IL1RAPL1: variants seen among roughly 807,000 people sequenced by gnomAD.
The protein encoded by IL1RAPL1 is interleukin-1 receptor accessory protein-like 1.
Under a neutral mutation model 48.4 loss-of-function variants are expected in IL1RAPL1, and 3 were observed. That is an observed-to-expected ratio of 0.06 (90% CI 0.03 to 0.16). The LOEUF (loss-of-function observed/expected upper bound fraction) is 0.16, where lower values mean the gene tolerates loss of function less well. IL1RAPL1 is among the 10% of genes least tolerant of loss of function. IL1RAPL1 has a pLI of 1.00. For synonymous variants in IL1RAPL1, 185 were observed against 187.7 expected (o/e 0.99, Z 0.12); for missense variants, 349 against 530.6 (o/e 0.66, Z 3.36).
chrX:29,308,367 C>A (rs1226051003), intron 3 of IL1RAPL1, among the ~76,000 whole-genome samples: 2 of 111,584 alleles, frequency 1.8e-5, no homozygotes, highest in African/African-American at 6.5e-5. Context: ...TCATTGGCCT[C>A]ATATGTCCAT....
intron 2 of IL1RAPL1, among the ~76,000 whole-genome samples, chrX:29,127,877 T>C (rs1928931374): frequency 9.1e-6 from 1 of 109,546 alleles, no homozygotes; most frequent in Non-Finnish European, 1.9e-5. Context: ...AGGCAGAGAA[T>C]TGCTCGAACC....
intron 2 of IL1RAPL1, among the ~76,000 whole-genome samples, chrX:28,813,957 C>T (rs964476693): frequency 9.1e-6 from 1 of 110,329 alleles, no homozygotes; most frequent in Non-Finnish European, 1.9e-5. Flanking sequence ...GAGCTGAGTC[C>T]CGAGTGAATC....
At chrX:29,215,392 G>A (rs778839871) in intron 2 of IL1RAPL1, among the ~76,000 whole-genome samples, 4 of 110,705 alleles carry the variant, frequency 3.6e-5, no homozygotes, top group Non-Finnish European at 7.5e-5. Flanking sequence ...CATATTCATA[G>A]ATTGGTATAG....
intron 2 of IL1RAPL1, among the ~76,000 whole-genome samples, chrX:28,895,804 G>A (rs897245436): frequency 7.2e-5 from 8 of 111,464 alleles, no homozygotes; most frequent in African/African-American, 1.3e-4. Context: ...TACCCAGAGC[G>A]TCTGTGATGG....
rs140827802 is a variant in IL1RAPL1 at position 29,678,342 on chromosome X, C to CTTTT, written c.778+9866_778+9869dup. Among the ~76,000 whole-genome samples the CTTTT allele has an allele frequency of 4.0e-3, 165 of 41,718 alleles. 36 individuals are homozygous for CTTTT. The highest frequency in any genetic ancestry group is 0.021 in the East Asian group (17 of 811). 36.2% of individuals were successfully genotyped at this position (41,718 alleles called of 115,157 possible). On this transcript the variant is annotated intron_variant, in intron 6 of 10. Transcript: ENST00000378993. Reference sequence around the variant, plus strand: ...TTCACCACACACAAGTTCAACACTACTTTTTTTTTTTTTTTTTTTTTTTTT... The same window carrying CTTTT: ...TTCACCACACACAAGTTCAACACTACTTTTTTTTTTTTTTTTTTTTTTTTTTTTT...
chrX:29,121,350 G>A (rs1928781452), intron 2 of IL1RAPL1, among the ~76,000 whole-genome samples: 1 of 112,160 alleles, frequency 8.9e-6, no homozygotes, highest in Non-Finnish European at 1.9e-5. Flanking sequence ...AGTCAAAAGT[G>A]CATTTTTCAA....
intron 2 of IL1RAPL1, among the ~76,000 whole-genome samples, chrX:28,940,357 T>C (rs1033269007): frequency 5.4e-5 from 6 of 111,367 alleles, no homozygotes; most frequent in African/African-American, 1.9e-4. Context: ...GGCCAAAGGA[T>C]CTTGAAACTG....
chrX:28,872,688 T>C lies in IL1RAPL1; in HGVS notation c.82+83263T>C, dbSNP rs188480584. 3.1e-3 allele frequency among the ~76,000 whole-genome samples: 345 copies of C among 112,194 alleles called. 4 individuals carry two copies. Among genetic ancestry groups the C allele is most frequent in the African/African-American group, 0.01 (310 of 30,876 alleles). ...TGGAAAAGAGGTCACTGATTATTGA[T>C]TGTTGGCTAGTTTTGTCCTCCATGG... is the stretch of plus-strand genomic sequence containing the variant. On this transcript the variant is annotated intron_variant, in intron 2 of 10. Transcript: ENST00000378993.
At chrX:28,757,191 C>G (rs184561010) in intron 1 of IL1RAPL1, among the ~76,000 whole-genome samples, 2 of 112,402 alleles carry the variant, frequency 1.8e-5, no homozygotes, top group Non-Finnish European at 3.8e-5. Context: ...TTCTACTTCT[C>G]TACTAGCTTT....
intron 5 of IL1RAPL1, among the ~76,000 whole-genome samples, chrX:29,659,843 A>G (rs949519288): frequency 5.4e-5 from 6 of 111,494 alleles, no homozygotes; most frequent in African/African-American, 2.0e-4. Flanking sequence ...TATATATTCT[A>G]CTTACTAATC....
At chrX:28,635,524 T>C (rs1026094457) in intron 1 of IL1RAPL1, among the ~76,000 whole-genome samples, 47 of 111,991 alleles carry the variant, frequency 4.2e-4, no homozygotes, top group Non-Finnish European at 1.7e-4. Flanking sequence ...TCAACACTAT[T>C]TTTTTATATA....
intron 6 of IL1RAPL1, among the ~76,000 whole-genome samples, chrX:29,870,965 T>G (rs1381092937): frequency 8.9e-6 from 1 of 112,557 alleles, no homozygotes; most frequent in Non-Finnish European, 1.9e-5. Flanking sequence ...AGGTTAGAAG[T>G]CTGACATGGG....
intron 5 of IL1RAPL1, among the ~76,000 whole-genome samples, chrX:29,545,655 G>A (rs1026948743): frequency 1.8e-4 from 20 of 112,035 alleles, no homozygotes; most frequent in African/African-American, 3.9e-4. Context: ...TTTGCTCTGC[G>A]TTAAATGTTC....
At chrX:28,837,676 C>T (rs949423763) in intron 2 of IL1RAPL1, among the ~76,000 whole-genome samples, 6 of 90,051 alleles carry the variant, frequency 6.7e-5, no homozygotes, top group African/African-American at 2.2e-4. Flanking sequence ...GGTACTCATT[C>T]CACTTCTTTT....
At chrX:29,216,274 C>T (rs1930867382) in intron 2 of IL1RAPL1, among the ~76,000 whole-genome samples, 1 of 111,040 alleles carries the variant, frequency 9.0e-6, no homozygotes, top group African/African-American at 3.3e-5. Context: ...GCTGTAGCCT[C>T]AACCTACCAG....
intron 5 of IL1RAPL1, chrX:29,574,288 G>A (rs1395417390): frequency 9.2e-6 from 1 of 108,717 alleles, no homozygotes; most frequent in Non-Finnish European, 1.9e-5. Flanking sequence ...TGTCTAAATT[G>A]CATGTCAGAT....
At chrX:29,207,158 A>G (rs1391711998) in intron 2 of IL1RAPL1, among the ~76,000 whole-genome samples, 1 of 111,893 alleles carries the variant, frequency 8.9e-6, no homozygotes, top group Non-Finnish European at 1.9e-5. Context: ...ATTTTAATGT[A>G]TTCTTCATTT....
intron 3 of IL1RAPL1, among the ~76,000 whole-genome samples, chrX:29,332,015 T>C (rs1462420669): frequency 1.8e-5 from 2 of 109,206 alleles, no homozygotes; most frequent in Non-Finnish European, 3.8e-5. Context: ...ATTATTACTA[T>C]GATTGTTATT....
At chrX:29,316,510 A>G (rs756091400) in intron 3 of IL1RAPL1, among the ~76,000 whole-genome samples, 2 of 112,420 alleles carry the variant, frequency 1.8e-5, no homozygotes, top group East Asian at 2.8e-4. Context: ...CAGACTCTGT[A>G]AAATATTTTA....
Sources: gnomAD v4.1 joint callset for allele counts (sites outside exome capture counted in the v4.1 genomes callset) on GRCh38, gnomAD v4.1.1 for gene constraint, MANE v1.5 for transcripts, NCBI Gene and HGNC (gene_info 2026-07-23, HGNC 2026-07-21) for gene names.